Variants in TBRG1 observed in about 807,000 individuals in gnomAD.
TBRG1 encodes the protein transforming growth factor beta regulator 1.
A neutral mutation model predicts 44.0 loss-of-function variants in TBRG1; 31 were observed. The observed-to-expected ratio is 0.70, with a 90% CI of 0.53 to 0.95. The LOEUF (loss-of-function observed/expected upper bound fraction) is 0.95. Ranked by LOEUF, TBRG1 falls within the 40% of genes least tolerant of loss-of-function variation. The probability of loss-of-function intolerance (pLI) is 0.00; values close to 1 mark genes in which losing one functional copy is unlikely to be tolerated. For missense variants in TBRG1, 487 were observed against 496.1 expected (o/e 0.98, Z 0.18); for synonymous variants, 171 against 188.1 (o/e 0.91, Z 0.74).
intron 8 of TBRG1, 52 bp from the exon 9 acceptor site, chr11:124,632,041 G>A: frequency 1.9e-6 from 3 of 1,567,590 alleles, no homozygotes; most frequent in Non-Finnish European, 2.6e-6. Flanking sequence ...GACCAAAACA[G>A]TCTGCCCAGA....
rs954336190 is a variant in TBRG1, at chr11:124,633,104, A to G, written c.*866A>G. 1 of 149,076 alleles carries G rather than the reference A, an allele frequency of 6.7e-6. No individual in the cohort carries two copies. The highest frequency in any genetic ancestry group is 1.5e-5 in the Non-Finnish European group (1 of 67,980). 9.2% of individuals were successfully genotyped at this position (149,076 alleles called of 1,614,324 possible). The stretch of plus-strand genomic sequence containing the variant: ...TCATCTTTTTCTTCACATTTTGCAC[A>G]TCCTTCAAGGGGATCTTTAACCTCT... On this transcript the variant is annotated 3_prime_UTR_variant, in exon 9 of 9. Transcript: ENST00000441174.
Position 124,626,981 on chromosome 11 carries a change from C to CT in TBRG1, c.669_670insT (p.Ser224Ter). On this transcript the variant is annotated frameshift_variant, in exon 5 of 9. Coordinates refer to ENST00000441174, the MANE Select transcript of TBRG1 (RefSeq NM_032811.3). LOFTEE classifies it high-confidence loss of function. ...GCTATTGCAGTACTCGAATATATGC[C>CT]AGCATGAAGTGCCCAGACCAGAAGT... 6.3e-7 allele frequency: 1 copy of CT among 1,586,184 alleles called. No individual in the cohort carries two copies.
At chr11:124,625,189 A>G (rs1942438141) in intron 2 of TBRG1, among the ~76,000 whole-genome samples, 188 bp downstream of exon 2, 1 of 152,234 alleles carries the variant, frequency 6.6e-6, no homozygotes. Context: ...CACCCAAGTT[A>G]TGTTGGGCCA....
intron 2 of TBRG1, among the ~76,000 whole-genome samples, chr11:124,625,323 CT>C (rs1942440337): frequency 6.6e-6 from 1 of 152,232 alleles, no homozygotes; most frequent in African/African-American, 2.4e-5. Context: ...ATAAAAGCAA[CT>C]GCCTCTCGTT....
intron 1 of TBRG1, 177 bp downstream of exon 1, chr11:124,623,410 A>T (rs888247704): frequency 1.3e-6 from 1 of 742,330 alleles, no homozygotes; most frequent in East Asian, 2.7e-5. Context: ...CTGTGTCCTC[A>T]TCTGTAAATG....
Position 124,632,490 on chromosome 11 carries a change from G to T in TBRG1, c.*252G>T. On this transcript the variant is annotated 3_prime_UTR_variant, in exon 9 of 9. Transcript: ENST00000441174. ...GATGTAATCTTTTTTGCTTAGCTCT[G>T]CCTGAGGTAAAGTAAACTTCAGCCT... is the stretch of plus-strand genomic sequence containing the variant. 3.0e-6 allele frequency: 1 copy of T among 332,248 alleles called. No homozygotes were observed. Among genetic ancestry groups the T allele is most frequent in the East Asian group, 6.5e-5 (1 of 15,360 alleles). 20.6% of individuals were successfully genotyped at this position (332,248 alleles called of 1,614,324 possible).
At position 124,633,378 on chromosome 11, in the gene TBRG1, C is replaced by G. The variant is rs1047125663; in HGVS notation, c.*1140C>G. The G allele has an allele frequency of 6.6e-6, 1 of 152,202 alleles. No homozygotes were observed. The highest frequency in any genetic ancestry group is 1.9e-4 in the East Asian group (1 of 5,190). 9.4% of individuals were successfully genotyped at this position (152,202 alleles called of 1,614,324 possible). On this transcript the variant is annotated 3_prime_UTR_variant, in exon 9 of 9. Coordinates refer to ENST00000441174, the MANE Select transcript of TBRG1 (RefSeq NM_032811.3). ...CACCTCAACACTACCTGTGGGATGC[C>G]TTAGTTACCCAGCAGCAGGTTACCA... is the stretch of plus-strand genomic sequence containing the variant.
chr11:124,631,224 T>C, intron 7 of TBRG1, 51 bp from the exon 8 acceptor site: 4 of 1,502,750 alleles, frequency 2.7e-6, no homozygotes, highest in Non-Finnish European at 3.6e-6. Context: ...TAGGAATGGG[T>C]ATTTATGTCT....
intron 1 of TBRG1, among the ~76,000 whole-genome samples, 191 bp from the exon 2 acceptor site, chr11:124,624,740 C>G (rs1374760275): frequency 6.6e-6 from 1 of 152,164 alleles, no homozygotes; most frequent in African/African-American, 2.4e-5. Flanking sequence ...AATTACATAG[C>G]TATACCCTGT....
Position 124,634,101 on chromosome 11 carries a change from T to C in TBRG1, c.*1863T>C, listed in dbSNP as rs1455517975. 2 of 152,198 alleles carry C rather than the reference T, an allele frequency of 1.3e-5. No individual in the cohort carries two copies. Among genetic ancestry groups the C allele is most frequent in the Non-Finnish European group, 1.5e-5 (1 of 68,052 alleles). 9.4% of individuals were successfully genotyped at this position (152,198 alleles called of 1,614,324 possible). A position where few individuals can be genotyped will look rare whatever the true frequency, so the allele number is the denominator to read the frequency against. On this transcript the variant is annotated 3_prime_UTR_variant, in exon 9 of 9. Transcript: ENST00000441174. ...GGCTCACGCCTGTAATCCCAGCACT[T>C]TGGGAGGCTGAGGCGGGTGGATCAA... is the stretch of plus-strand genomic sequence containing the variant.
Position 124,623,163 on chromosome 11 carries a change from A to C in TBRG1, c.80A>C (p.Lys27Thr). Residue 27 changes from lysine (K) to threonine (T), a missense_variant, in exon 1 of 9, where the codon AAG becomes ACG. Transcript: ENST00000441174. ...SSKARMKKLP[K>T]KSQNEKYRLK... Reference sequence around the variant, plus strand: ...AAGGCCAGGATGAAAAAGCTCCCGAAGAAGAGCCAGAATGAGAAGTACCGG... The same window carrying C: ...AAGGCCAGGATGAAAAAGCTCCCGACGAAGAGCCAGAATGAGAAGTACCGG... 1 of 1,551,698 alleles carries C rather than the reference A, an allele frequency of 6.4e-7. No homozygotes were observed.
intron 7 of TBRG1, 77 bp from the exon 8 acceptor site, chr11:124,631,198 C>A: frequency 7.2e-7 from 1 of 1,386,262 alleles, no homozygotes; most frequent in Non-Finnish European, 9.7e-7. Flanking sequence ...GAAAAATTAC[C>A]TGATCCCTTT....
At chr11:124,626,021 T>C in intron 3 of TBRG1, 118 bp downstream of exon 3, 1 of 1,380,520 alleles carries the variant, frequency 7.2e-7, no homozygotes, top group Non-Finnish European at 9.6e-7. Flanking sequence ...CATCTGGTTC[T>C]TAAGGAGCCC....
At position 124,623,056 on chromosome 11, in the gene TBRG1, C is replaced by T. The variant is rs1334278595; in HGVS notation, c.-28C>T. ...ACTTAGGATCCGATGCCGGCAGCGT[C>T]CTGGGGCCCCCGTAGCGGGGCTGGA... is the stretch of plus-strand genomic sequence containing the variant. On this transcript the variant is annotated 5_prime_UTR_variant, in exon 1 of 9. Coordinates refer to ENST00000441174, the MANE Select transcript of TBRG1 (RefSeq NM_032811.3). 1.3e-6 allele frequency: 2 copies of T among 1,522,952 alleles called. No homozygotes were observed. Among genetic ancestry groups the T allele is most frequent in the Non-Finnish European group, 1.8e-6 (2 of 1,134,858 alleles). The allele number at this position is 1,522,952 out of a possible 1,614,324, so 94.3% of individuals were successfully genotyped here.
At chr11:124,628,643 T>A (rs1942539552) in intron 5 of TBRG1, among the ~76,000 whole-genome samples, 1 of 151,970 alleles carries the variant, frequency 6.6e-6, no homozygotes, top group Non-Finnish European at 1.5e-5. Flanking sequence ...ATTTTGCTCA[T>A]AGGCACATAT....
At chr11:124,631,521 T>TA in intron 8 of TBRG1, 104 bp downstream of exon 8, 1 of 1,254,360 alleles carries the variant, frequency 8.0e-7, no homozygotes. Context: ...CATTGAGTGA[T>TA]AAAAGCTTTC....
chr11:124,626,710 TC>T, intron 4 of TBRG1, 101 bp downstream of exon 4: 1 of 1,465,908 alleles, frequency 6.8e-7, no homozygotes, highest in Non-Finnish European at 9.3e-7. Flanking sequence ...CTCTTGCTGA[TC>T]CATACCAACC....
chr11:124,625,741 C>T lies in TBRG1; in HGVS notation c.292C>T (p.His98Tyr). 1.9e-6 allele frequency: 3 copies of T among 1,561,204 alleles called. No homozygotes were observed. The highest frequency in any genetic ancestry group is 1.7e-4 in the Middle Eastern group (1 of 5,998). ...EGEVQAAAPSHSSSLPLTYGV... is the reference protein window; with the variant it reads ...EGEVQAAAPSYSSSLPLTYGV... The stretch of plus-strand genomic sequence containing the variant: ...GGAAGTACAGGCTGCAGCTCCTTCC[C>T]ACAGTTCCAGTTTGCCCCTGACTTA... The change falls in exon 3 of 9, where the codon CAC becomes TAC. Residue 98 changes from histidine (H) to tyrosine (Y), a missense_variant. Transcript: ENST00000441174.
intron 5 of TBRG1, among the ~76,000 whole-genome samples, chr11:124,629,367 G>T (rs1365079856): frequency 1.3e-5 from 2 of 151,918 alleles, no homozygotes; most frequent in Admixed American, 6.6e-5. Flanking sequence ...AAAAAGAAAA[G>T]AAATTAATTG....
Sources: allele counts gnomAD v4.1 joint callset (sites outside exome capture counted in the v4.1 genomes callset), GRCh38; gene constraint gnomAD v4.1.1; transcripts MANE v1.5; gene names NCBI Gene and HGNC (gene_info 2026-07-23, HGNC 2026-07-21).